ST6GALNAC5: variants seen among roughly 807,000 people sequenced by gnomAD.
ST6GALNAC5 encodes alpha-N-acetylgalactosaminide alpha-2,6-sialyltransferase 5.
Under a neutral mutation model 33.6 loss-of-function variants are expected in ST6GALNAC5, and 27 were observed. The observed-to-expected ratio is 0.80, with a 90% confidence interval of 0.59 to 1.11. The LOEUF (loss-of-function observed/expected upper bound fraction) is 1.11. Among genes scored for constraint, ST6GALNAC5 ranks in the 50% least tolerant of loss-of-function variants. ST6GALNAC5 has a pLI of 0.00. For synonymous variants in ST6GALNAC5, 194 were observed against 171.2 expected, an observed-to-expected ratio of 1.13 and a Z score of -1.04; for missense variants, 428 against 454.0, an observed-to-expected ratio of 0.94 and a Z score of 0.52.
At chr1:76,991,292 A>C (rs1436883940) in intron 2 of ST6GALNAC5, among the ~76,000 whole-genome samples, 1 of 152,212 alleles carries the variant, frequency 6.6e-6, no homozygotes, top group African/African-American at 2.4e-5. Context: ...GCGGAAAGCA[A>C]ATACAAGATT....
At chr1:76,925,782 CT>C (rs1463851229) in intron 2 of ST6GALNAC5, among the ~76,000 whole-genome samples, 1 of 151,924 alleles carries the variant, frequency 6.6e-6, no homozygotes, top group Non-Finnish European at 1.5e-5. Context: ...TACAAATTTC[CT>C]TTTCAAAGAC....
chr1:77,059,578 G>T (rs1652509063), intron 4 of ST6GALNAC5, among the ~76,000 whole-genome samples: 1 of 152,142 alleles, frequency 6.6e-6, no homozygotes, highest in African/African-American at 2.4e-5. Flanking sequence ...TTCATCACTT[G>T]GTTAAGGTAA....
At chr1:76,887,186 C>T (rs1653916591) in intron 2 of ST6GALNAC5, among the ~76,000 whole-genome samples, 1 of 152,106 alleles carries the variant, frequency 6.6e-6, no homozygotes, top group African/African-American at 2.4e-5. Context: ...AGAAAAGAAG[C>T]TATTAATTGC....
At chr1:76,903,809 G>A (rs1015897932) in intron 2 of ST6GALNAC5, among the ~76,000 whole-genome samples, 1 of 152,160 alleles carries the variant, frequency 6.6e-6, no homozygotes, top group Non-Finnish European at 1.5e-5. Flanking sequence ...AAATAAGACA[G>A]CCACAAAGGA....
At chr1:76,982,808 G>A (rs1649312128) in intron 2 of ST6GALNAC5, among the ~76,000 whole-genome samples, 1 of 152,188 alleles carries the variant, frequency 6.6e-6, no homozygotes, top group Middle Eastern at 3.4e-3. Context: ...ACTAACAGCA[G>A]ATCTCTCAGC....
chr1:76,931,477 C>G (rs1043400897), intron 2 of ST6GALNAC5, among the ~76,000 whole-genome samples: 1 of 152,042 alleles, frequency 6.6e-6, no homozygotes, highest in Non-Finnish European at 1.5e-5. Context: ...ATGGCAAAAG[C>G]AAGACATATG....
chr1:77,058,434 T>G (rs1652471303), intron 4 of ST6GALNAC5, among the ~76,000 whole-genome samples: 1 of 152,172 alleles, frequency 6.6e-6, no homozygotes, highest in Non-Finnish European at 1.5e-5. Flanking sequence ...GAGTGAGTTC[T>G]CACTCTATTT....
chr1:76,942,989 T>G (rs1399863534), intron 2 of ST6GALNAC5, among the ~76,000 whole-genome samples: 1 of 152,136 alleles, frequency 6.6e-6, no homozygotes, highest in African/African-American at 2.4e-5. Flanking sequence ...ATGTCCTCCC[T>G]AAGTGATAAC....
chr1:77,057,297 T>C (rs551909815), intron 4 of ST6GALNAC5, among the ~76,000 whole-genome samples: 1 of 152,312 alleles, frequency 6.6e-6, no homozygotes, highest in South Asian at 2.1e-4. Context: ...AAAAAGTAAT[T>C]TCTTTTCCTC....
intron 2 of ST6GALNAC5, among the ~76,000 whole-genome samples, chr1:76,944,376 G>T (rs1647438614): frequency 6.6e-6 from 1 of 152,022 alleles, no homozygotes; most frequent in Non-Finnish European, 1.5e-5. Context: ...GTTTGTAAAG[G>T]ATTTTTTTAT....
intron 2 of ST6GALNAC5, among the ~76,000 whole-genome samples, chr1:76,893,663 T>G (rs1384460308): frequency 1.3e-5 from 2 of 152,176 alleles, no homozygotes; most frequent in Non-Finnish European, 1.5e-5. Flanking sequence ...TTTTATTTAC[T>G]TATTTATTTA....
intron 2 of ST6GALNAC5, among the ~76,000 whole-genome samples, chr1:76,989,383 G>C (rs925826565): frequency 2.0e-5 from 3 of 150,150 alleles, no homozygotes; most frequent in African/African-American, 4.9e-5. Flanking sequence ...TTCCATTACT[G>C]TGTTATATAT....
intron 2 of ST6GALNAC5, among the ~76,000 whole-genome samples, chr1:76,951,536 A>T (rs1647744976): frequency 6.6e-6 from 1 of 152,090 alleles, no homozygotes; most frequent in South Asian, 2.1e-4. Flanking sequence ...CCTAATGTAG[A>T]TGACAGGTTG....
chr1:76,933,384 T>G (rs1181156157), intron 2 of ST6GALNAC5, among the ~76,000 whole-genome samples: 2 of 151,932 alleles, frequency 1.3e-5, no homozygotes, highest in Admixed American at 1.3e-4. Context: ...CATTGTTGTA[T>G]GCATGCAGAG....
intron 3 of ST6GALNAC5, among the ~76,000 whole-genome samples, chr1:77,047,845 C>A (rs922119904): frequency 6.6e-6 from 1 of 152,178 alleles, no homozygotes; most frequent in African/African-American, 2.4e-5. Context: ...CAGTGTGTTA[C>A]TTCATCATAT....
chr1:77,013,741 A>G (rs1650725449), intron 2 of ST6GALNAC5, among the ~76,000 whole-genome samples: 1 of 152,234 alleles, frequency 6.6e-6, no homozygotes, highest in African/African-American at 2.4e-5. Flanking sequence ...CCTTAAGTGA[A>G]AGGATAAACA....
At chr1:76,883,893 G>A (rs906249004) in intron 2 of ST6GALNAC5, among the ~76,000 whole-genome samples, 9 of 152,200 alleles carry the variant, frequency 5.9e-5, no homozygotes, top group Non-Finnish European at 2.9e-5. Flanking sequence ...GGGAGAGGGA[G>A]AAACACACAT....
chr1:77,058,908 G>T (rs142391969), intron 4 of ST6GALNAC5, among the ~76,000 whole-genome samples: 1 of 152,302 alleles, frequency 6.6e-6, no homozygotes, highest in African/African-American at 2.4e-5. Flanking sequence ...GGCTGATGAG[G>T]ATGTAAAGGA....
intron 2 of ST6GALNAC5, among the ~76,000 whole-genome samples, chr1:76,923,414 C>A (rs893854624): frequency 6.6e-6 from 1 of 152,030 alleles, no homozygotes; most frequent in African/African-American, 2.4e-5. Flanking sequence ...TACCCACAGC[C>A]GAGCACTGTG....
Sources: gnomAD v4.1 joint callset for allele counts (sites outside exome capture counted in the v4.1 genomes callset) on GRCh38, gnomAD v4.1.1 for gene constraint, MANE v1.5 for transcripts, NCBI Gene and HGNC (gene_info 2026-07-23, HGNC 2026-07-21) for gene names.